Variants in SORBS2 observed in about 807,000 individuals in gnomAD.
SORBS2 encodes sorbin and SH3 domain-containing protein 2.
A neutral mutation model predicts 97.7 loss-of-function variants in SORBS2; 46 were observed. The observed-to-expected ratio is 0.47, with a 90% CI of 0.37 to 0.60. The LOEUF (loss-of-function observed/expected upper bound fraction) is 0.60. SORBS2 is among the 20% of genes least tolerant of loss of function. SORBS2 has a pLI of 0.00. For synonymous variants in SORBS2, 476 were observed against 473.4 expected, an observed-to-expected ratio of 1.01 and a Z score of -0.07; for missense variants, 1,316 against 1,282.3, an observed-to-expected ratio of 1.03 and a Z score of -0.40.
chr4:185,930,756 T>C (rs921030682), intron 1 of SORBS2, among the ~76,000 whole-genome samples: 1 of 152,198 alleles, frequency 6.6e-6, no homozygotes, highest in Non-Finnish European at 1.5e-5. Context: ...TTCCAAGCAA[T>C]GAAAAATCAT....
At chr4:185,726,773 G>A (rs2098557042) in intron 2 of SORBS2, among the ~76,000 whole-genome samples, 1 of 152,028 alleles carries the variant, frequency 6.6e-6, no homozygotes, top group South Asian at 2.1e-4. Flanking sequence ...TATAGAAACA[G>A]ATGAAGGAAA....
intron 1 of SORBS2, among the ~76,000 whole-genome samples, chr4:185,823,967 G>C (rs1334281210): frequency 6.6e-6 from 1 of 152,136 alleles, no homozygotes; most frequent in African/African-American, 2.4e-5. Flanking sequence ...CGTATCTTAG[G>C]GTAGGAATAC....
At chr4:185,850,527 T>A (rs1156590227) in intron 1 of SORBS2, among the ~76,000 whole-genome samples, 1 of 152,170 alleles carries the variant, frequency 6.6e-6, no homozygotes, top group Non-Finnish European at 1.5e-5. Flanking sequence ...TTCTCCTACA[T>A]CAAAATAGGG....
chr4:185,761,313 A>G (rs2098888885), intron 2 of SORBS2, among the ~76,000 whole-genome samples: 1 of 152,256 alleles, frequency 6.6e-6, no homozygotes, highest in African/African-American at 2.4e-5. Context: ...GTCACATTCA[A>G]CTTCCATAGA....
chr4:185,787,521 T>C (rs2099061842), intron 1 of SORBS2, among the ~76,000 whole-genome samples: 1 of 152,212 alleles, frequency 6.6e-6, no homozygotes, highest in African/African-American at 2.4e-5. Context: ...ATATAGCCTC[T>C]CTATTTTTTA....
At position 185,595,070 on chromosome 4, in the gene SORBS2, G is replaced by A. The variant is rs146454494; in HGVS notation, c.2797-1135C>T. ...CCAAGCTTGGATGGATAATTCTGAG[G>A]TTCCTTTCAGTCTACGAGTCAATGA... On this transcript the variant is annotated intron_variant, in intron 12 of 14. Transcript: ENST00000418609. Among the ~76,000 whole-genome samples, 62 of 152,232 alleles carry A rather than the reference G, an allele frequency of 4.1e-4. 1 individual carries two copies. The highest frequency in any genetic ancestry group is 1.5e-3 in the African/African-American group (61 of 41,536).
At chr4:185,663,146 C>A (rs756257149) in intron 4 of SORBS2, among the ~76,000 whole-genome samples, 3 of 152,150 alleles carry the variant, frequency 2.0e-5, no homozygotes, top group Admixed American at 6.5e-5. Context: ...AGGGCGCACA[C>A]AATGCATGCA....
At chr4:185,658,722 C>T (rs938242161), upstream of SORBS2, among the ~76,000 whole-genome samples, 5 of 132,446 alleles carry the variant, frequency 3.8e-5, no homozygotes, top group Admixed American at 8.5e-5. Context: ...GATGGAGTCT[C>T]GCTCTGTCAC....
intron 2 of SORBS2, among the ~76,000 whole-genome samples, chr4:185,707,314 G>C (rs983025383): frequency 6.6e-6 from 1 of 152,104 alleles, no homozygotes; most frequent in African/African-American, 2.4e-5. Context: ...CAGAGTTTTT[G>C]TACTATAATG....
intron 4 of SORBS2, among the ~76,000 whole-genome samples, chr4:185,642,416 A>T (rs1017443382): frequency 1.7e-4 from 25 of 150,898 alleles, no homozygotes; most frequent in African/African-American, 3.6e-4. Flanking sequence ...TTTTTTTTTT[A>T]AATTTAACAT....
chr4:185,917,075 C>T (rs2099258575), intron 1 of SORBS2, among the ~76,000 whole-genome samples: 1 of 152,146 alleles, frequency 6.6e-6, no homozygotes, highest in Admixed American at 6.5e-5. Context: ...CTAACAAATA[C>T]TCTATAAAGT....
chr4:185,932,027 T>G (rs564620224), intron 1 of SORBS2, among the ~76,000 whole-genome samples: 4 of 151,898 alleles, frequency 2.6e-5, no homozygotes, highest in Admixed American at 6.6e-5. Flanking sequence ...TAGATAGATA[T>G]AGATATAGAT....
intron 1 of SORBS2, among the ~76,000 whole-genome samples, chr4:185,788,606 C>T (rs74518943): frequency 0.086 from 13,059 of 152,210 alleles, 604 homozygotes; most frequent in South Asian, 0.14. Context: ...GCTGAGTTCA[C>T]TTTATAGCAT....
At chr4:185,768,260 G>A (rs897777168) in intron 2 of SORBS2, among the ~76,000 whole-genome samples, 5 of 152,112 alleles carry the variant, frequency 3.3e-5, no homozygotes, top group African/African-American at 9.7e-5. Flanking sequence ...TTCATTGAAG[G>A]GCCTAGACTG....
rs886659034 is a variant in SORBS2 at position 185,606,278 on chromosome 4, C to G, written c.2796+5502G>C. 1 of 981,868 alleles carries G rather than the reference C, an allele frequency of 1.0e-6. No homozygotes were observed. The highest frequency in any genetic ancestry group is 1.2e-6 in the Non-Finnish European group (1 of 826,980). 60.8% of individuals were successfully genotyped at this position (981,868 alleles called of 1,614,324 possible). On this transcript the variant is annotated intron_variant, in intron 12 of 14. Coordinates refer to ENST00000418609, the Ensembl canonical transcript of SORBS2. This position sits in a 1 kb window ranked among gnomAD's most constrained non-coding sequence, Gnocchi z 4.3. The stretch of plus-strand genomic sequence containing the variant: ...TAGTGTCTGATACTCAGTAAGAGCT[C>G]CACTATTAGCTATCATTGTTAATAT...
At chr4:185,875,433 C>T (rs7679935) in intron 1 of SORBS2, among the ~76,000 whole-genome samples, 31,306 of 152,154 alleles carry the variant, frequency 0.21, 4,895 homozygotes, top group African/African-American at 0.44. Context: ...AAAAACGTCT[C>T]CCGGAGGCAG....
rs2096451867 is a variant in SORBS2, at chr4:185,607,450, G to T, written c.2796+4330C>A. 1 of 499,170 alleles carries T rather than the reference G, an allele frequency of 2.0e-6. No individual in the cohort carries two copies. 30.9% of individuals were successfully genotyped at this position (499,170 alleles called of 1,614,324 possible). On this transcript the variant is annotated intron_variant, in intron 12 of 14. Transcript: ENST00000418609. This position sits in a 1 kb window ranked among gnomAD's most constrained non-coding sequence, Gnocchi z 5.2. ...GATGGAGAAATGCAGAAAAGATGCGGTGGTGAATATGAAAATAATTTTATG... is the reference window on the plus strand; with the variant it reads ...GATGGAGAAATGCAGAAAAGATGCGTTGGTGAATATGAAAATAATTTTATG...
In SORBS2 at chr4:185,864,382, G is replaced by A. The variant is rs112940256; in HGVS notation, c.-337-89016C>T. Among the ~76,000 whole-genome samples, 140 of 152,246 alleles carry A rather than the reference G, an allele frequency of 9.2e-4. 2 individuals carry two copies. The highest frequency in any genetic ancestry group is 3.2e-3 in the African/African-American group (133 of 41,554). ...ACCACGTTTATTTTTGTGATGCTCC[G>A]TTTATTACTTGTACAGTAAGACTTT... is the stretch of plus-strand genomic sequence containing the variant. On this transcript the variant is annotated intron_variant, in intron 1 of 20. Transcript: ENST00000284776.
rs187161975 is a variant in SORBS2 at position 185,929,384 on chromosome 4, G to A, written c.-338+26812C>T. ...CACATGATGTAGAAAGATTCAATCT[G>A]TAAATCATCATAGCTCTTCTTTCCA... On this transcript the variant is annotated intron_variant, in intron 1 of 20. Transcript: ENST00000284776. Among the ~76,000 whole-genome samples the A allele has an allele frequency of 9.2e-5, 14 of 152,308 alleles. No homozygotes were observed. The East Asian group carries it at 1.7e-3, about 19-fold the overall frequency.
Sources: allele counts gnomAD v4.1 joint callset (sites outside exome capture counted in the v4.1 genomes callset), GRCh38; gene constraint gnomAD v4.1.1; non-coding constraint Gnocchi (gnomAD v3.1); transcripts MANE v1.5; gene names NCBI Gene and HGNC (gene_info 2026-07-23, HGNC 2026-07-21).